TRIM26: variants seen among roughly 807,000 people sequenced by gnomAD.
TRIM26 encodes tripartite motif containing 26, also known as tripartite motif-containing protein 26.
A neutral mutation model predicts 45.5 loss-of-function variants in TRIM26; 16 were observed. The ratio of observed to expected loss-of-function variants is 0.35; its 90% CI spans 0.24 to 0.53. TRIM26 has a LOEUF of 0.53. Among genes scored for constraint, TRIM26 ranks in the 20% least tolerant of loss-of-function variants. The pLI is 0.92. For synonymous variants in TRIM26, 273 were observed against 290.4 expected, an observed-to-expected ratio of 0.94 and a Z score of 0.61; for missense variants, 442 against 691.1, an observed-to-expected ratio of 0.64 and a Z score of 4.04.
chr6:30,189,621 A>G lies in TRIM26; in HGVS notation c.789-88T>C. On this transcript the variant is annotated intron_variant, in intron 7 of 9. Transcript: ENST00000454678. The surrounding 1 kb of genome is among the most constrained non-coding windows in gnomAD (Gnocchi z 5.0). ...CTCTCAATCCTCATGGCAATTATGA[A>G]GGGGAGAGGAAAGGTATGATTATCC... 1 of 1,152,670 alleles carries G rather than the reference A, an allele frequency of 8.7e-7. No homozygotes were observed. The highest frequency in any genetic ancestry group is 1.3e-6 in the Non-Finnish European group (1 of 777,068). The allele number at this position is 1,152,670 out of a possible 1,614,324, so 71.4% of individuals were successfully genotyped here.
chr6:30,189,405 C>T lies in TRIM26; in HGVS notation c.904+13G>A, dbSNP rs907692418. The stretch of plus-strand genomic sequence containing the variant: ...CTCTGACTCCCACCCTTTGTGCGCT[C>T]CCCAACCCTTACCCTGGAATTCCCT... On this transcript the variant is annotated intron_variant, in intron 8 of 9. Coordinates refer to ENST00000454678, the MANE Select transcript of TRIM26 (RefSeq NM_003449.5). This position sits in a 1 kb window ranked among gnomAD's most constrained non-coding sequence, Gnocchi z 5.0. 2.5e-6 allele frequency: 4 copies of T among 1,612,340 alleles called. No individual in the cohort carries two copies. Among genetic ancestry groups the T allele is most frequent in the Admixed American group, 1.7e-5 (1 of 60,016 alleles).
Position 30,186,325 on chromosome 6 carries a change from C to G in TRIM26, c.1171G>C (p.Glu391Gln), listed in dbSNP as rs766670466. 3.1e-6 allele frequency: 5 copies of G among 1,611,850 alleles called. No individual in the cohort carries two copies. Among genetic ancestry groups the G allele is most frequent in the Non-Finnish European group, 4.2e-6 (5 of 1,178,790 alleles). The change falls in exon 10 of 10, where the codon GAG (glutamate) becomes CAG (glutamine). Residue 391 changes from glutamate (E) to glutamine (Q), a missense_variant. Transcript: ENST00000454678. The surrounding 1 kb of genome is among the most constrained non-coding windows in gnomAD (Gnocchi z 7.4). ...EDEEEGDEEE[E>Q]GEEEEEEEEA... Reference sequence around the variant, plus strand: ...TCTTCCTCCTCCTCCTCTTCTCCCTCTTCCTCCTCATCCCCCTCTTCTTCA... The same window carrying G: ...TCTTCCTCCTCCTCCTCTTCTCCCTGTTCCTCCTCATCCCCCTCTTCTTCA...
intron 2 of TRIM26, among the ~76,000 whole-genome samples, chr6:30,201,421 G>A (rs1777156089): frequency 6.6e-6 from 1 of 152,178 alleles, no homozygotes; most frequent in African/African-American, 2.4e-5. Context: ...ATGGATCTAG[G>A]TATGTGTGAC....
intron 1 of TRIM26, among the ~76,000 whole-genome samples, chr6:30,205,219 G>A (rs934416423): frequency 1.3e-5 from 2 of 152,092 alleles, no homozygotes; most frequent in African/African-American, 4.8e-5. Context: ...TCCAGCCTGG[G>A]CAACAAGAGC....
chr6:30,199,272 G>T lies in TRIM26; in HGVS notation c.-161-8C>A. The T allele has an allele frequency of 1.7e-6, 1 of 572,390 alleles. No homozygotes were observed. Among genetic ancestry groups the T allele is most frequent in the Non-Finnish European group, 3.0e-6 (1 of 332,804 alleles). 35.5% of individuals were successfully genotyped at this position (572,390 alleles called of 1,614,324 possible). On this transcript the variant is annotated splice_region_variant and splice_polypyrimidine_tract_variant and intron_variant, in intron 3 of 9. Coordinates refer to ENST00000454678, the MANE Select transcript of TRIM26 (RefSeq NM_003449.5). Reference sequence around the variant, plus strand: ...GACAGACACCACCAGCTCCTACAAGGTTCACACAATGTCAACGAGAAGAGG... The same window carrying T: ...GACAGACACCACCAGCTCCTACAAGTTTCACACAATGTCAACGAGAAGAGG...
At chr6:30,211,754 T>G (rs1456981709) in intron 1 of TRIM26, among the ~76,000 whole-genome samples, 1 of 152,214 alleles carries the variant, frequency 6.6e-6, no homozygotes, top group Non-Finnish European at 1.5e-5. Context: ...CACAGTAATT[T>G]GAGCAACAAA....
At chr6:30,191,149 T>C (rs1366182383) in intron 6 of TRIM26, among the ~76,000 whole-genome samples, 2 of 152,078 alleles carry the variant, frequency 1.3e-5, no homozygotes, top group East Asian at 1.9e-4. Context: ...CTGGACATAC[T>C]GGTCAAGGAT....
Position 30,189,037 on chromosome 6 carries a change from T to C in TRIM26, c.937+130A>G. 2.0e-6 allele frequency: 2 copies of C among 995,438 alleles called. No homozygotes were observed. Among genetic ancestry groups the C allele is most frequent in the South Asian group, 1.6e-5 (1 of 64,028 alleles). The allele number at this position is 995,438 out of a possible 1,614,324, so 61.7% of individuals were successfully genotyped here. A position where few individuals can be genotyped will look rare whatever the true frequency, so the allele number is the denominator to read the frequency against. ...AAGTGCAAAGAGGGAGGGGGGCTTC[T>C]ATTGTGCAGCTGGGAAATTCTTCCT... On this transcript the variant is annotated intron_variant, in intron 9 of 9. Transcript: ENST00000454678. The surrounding 1 kb of genome is among the most constrained non-coding windows in gnomAD (Gnocchi z 5.0).
chr6:30,191,009 A>C (rs547326027), intron 6 of TRIM26, among the ~76,000 whole-genome samples: 59 of 152,272 alleles, frequency 3.9e-4, no homozygotes, highest in Non-Finnish European at 6.2e-4. Context: ...CAAGAGGAAC[A>C]TGGGGAGGTT....
At chr6:30,212,047 A>G (rs1010682861) in intron 1 of TRIM26, among the ~76,000 whole-genome samples, 1 of 152,228 alleles carries the variant, frequency 6.6e-6, no homozygotes, top group Non-Finnish European at 1.5e-5. Context: ...CCTGAAAAAC[A>G]CTATCTCACC....
At chr6:30,197,633 G>T (rs774942149) in intron 5 of TRIM26, among the ~76,000 whole-genome samples, 2 of 152,056 alleles carry the variant, frequency 1.3e-5, no homozygotes, top group Non-Finnish European at 2.9e-5. Flanking sequence ...CCTCCCCAAG[G>T]ATACCAAAAT....
chr6:30,206,371 C>G (rs1777725996), intron 1 of TRIM26, among the ~76,000 whole-genome samples: 1 of 152,226 alleles, frequency 6.6e-6, no homozygotes, highest in Non-Finnish European at 1.5e-5. Flanking sequence ...CAGTGGTGCT[C>G]TGAAGCACAG....
chr6:30,187,245 CA>C, intron 9 of TRIM26: 2 of 297,678 alleles, frequency 6.7e-6, no homozygotes, highest in Non-Finnish European at 1.4e-5. Context: ...TCTTCCATAT[CA>C]GTCCTTCCTT....
rs752483146 is a variant in TRIM26, at chr6:30,189,338, A to G, written c.904+80T>C. On this transcript the variant is annotated intron_variant, in intron 8 of 9. Coordinates refer to ENST00000454678, the MANE Select transcript of TRIM26 (RefSeq NM_003449.5). The surrounding 1 kb of genome is among the most constrained non-coding windows in gnomAD (Gnocchi z 5.0). ...CAGAAGAGTGAGGATCGACAAGGTG[A>G]TGGAAAGGAGCTGGGTGCGCTCTTT... 3 of 1,570,650 alleles carry G rather than the reference A, an allele frequency of 1.9e-6. No individual in the cohort carries two copies. In the South Asian group the frequency reaches 3.3e-5, roughly 17 times the overall value.
chr6:30,191,185 C>T (rs1480190172), intron 6 of TRIM26, among the ~76,000 whole-genome samples: 2 of 152,030 alleles, frequency 1.3e-5, no homozygotes, highest in African/African-American at 4.8e-5. Context: ...ATGGTTTGTA[C>T]AGGGGGGAGA....
chr6:30,198,395 C>T lies in TRIM26; in HGVS notation c.534+34G>A. The stretch of plus-strand genomic sequence containing the variant: ...GCTCACCCTGCCCTACACGGGCGCA[C>T]CGCCTCAGGGCTTCCTGAAACAGCC... On this transcript the variant is annotated intron_variant, in intron 5 of 9. Coordinates refer to ENST00000454678, the MANE Select transcript of TRIM26 (RefSeq NM_003449.5). The surrounding 1 kb of genome is among the most constrained non-coding windows in gnomAD (Gnocchi z 6.3). 1 of 1,611,424 alleles carries T rather than the reference C, an allele frequency of 6.2e-7. No individual in the cohort carries two copies. The highest frequency in any genetic ancestry group is 8.5e-7 in the Non-Finnish European group (1 of 1,179,238).
intron 1 of TRIM26, among the ~76,000 whole-genome samples, chr6:30,211,819 C>A (rs1778315712): frequency 6.6e-6 from 1 of 150,776 alleles, no homozygotes; most frequent in Non-Finnish European, 1.5e-5. Flanking sequence ...CCTGAGTCTA[C>A]ACTGAAATTA....
In TRIM26 at chr6:30,196,338, GTT is replaced by G. The variant is rs1776456662; in HGVS notation, c.765+176_765+177del. ...TATTTTTTGAAGTGACAGCATGCCA[GTT>G]ATTTCATTTTATGCTCATGCAATCT... On this transcript the variant is annotated intron_variant, in intron 6 of 9. Transcript: ENST00000454678. The surrounding 1 kb of genome is among the most constrained non-coding windows in gnomAD (Gnocchi z 4.9). 6.6e-6 allele frequency among the ~76,000 whole-genome samples: 1 copy of G among 152,210 alleles called. No individual in the cohort carries two copies. Among genetic ancestry groups the G allele is most frequent in the South Asian group, 2.1e-4 (1 of 4,832 alleles).
chr6:30,207,967 C>G lies in TRIM26; in HGVS notation c.-375-3202G>C, dbSNP rs1777886351. 1.3e-5 allele frequency among the ~76,000 whole-genome samples: 2 copies of G among 152,186 alleles called. No homozygotes were observed. Among genetic ancestry groups the G allele is most frequent in the Admixed American group, 6.5e-5 (1 of 15,276 alleles). The stretch of plus-strand genomic sequence containing the variant: ...AGCCCCAAAACACCCCATGCTGCAC[C>G]CTGTACTTCTCTGCAGTTTTAAGTC... On this transcript the variant is annotated intron_variant, in intron 1 of 9. Transcript: ENST00000454678. The surrounding 1 kb of genome is among the most constrained non-coding windows in gnomAD (Gnocchi z 4.9).
Sources: gnomAD v4.1 joint callset for allele counts (sites outside exome capture counted in the v4.1 genomes callset) on GRCh38, gnomAD v4.1.1 for gene constraint, Gnocchi (gnomAD v3.1) non-coding constraint, MANE v1.5 for transcripts, NCBI Gene and HGNC (gene_info 2026-07-23, HGNC 2026-07-21) for gene names.